The following ST6GALNAC3 variants were observed in gnomAD, a reference collection of about 807,000 sequenced individuals.
ST6GALNAC3 encodes alpha-N-acetylgalactosaminide alpha-2,6-sialyltransferase 3.
In ST6GALNAC3, 25 loss-of-function variants were observed where a neutral mutation model predicts 32.7. The ratio of observed to expected loss-of-function variants is 0.76; its 90% CI spans 0.56 to 1.07. The LOEUF is 1.07. Ranked by LOEUF, ST6GALNAC3 falls within the 50% of genes least tolerant of loss-of-function variation. The probability of loss-of-function intolerance (pLI) is 0.00; values close to 1 mark genes in which losing one functional copy is unlikely to be tolerated. For synonymous variants in ST6GALNAC3, 129 were observed against 133.1 expected (o/e 0.97, Z 0.21); for missense variants, 355 against 382.4 (o/e 0.93, Z 0.60).
At chr1:76,409,961 G>T (rs993883136) in intron 2 of ST6GALNAC3, among the ~76,000 whole-genome samples, 4 of 152,070 alleles carry the variant, frequency 2.6e-5, no homozygotes, top group Non-Finnish European at 4.4e-5. Context: ...AACATAAGCG[G>T]CTTCTCTCCA....
chr1:76,253,817 C>T (rs1234812444), intron 1 of ST6GALNAC3, among the ~76,000 whole-genome samples: 3 of 152,120 alleles, frequency 2.0e-5, no homozygotes, highest in Non-Finnish European at 1.5e-5. Context: ...AATATTCTAG[C>T]AGATGGCATG....
At chr1:76,471,868 T>C (rs551951343) in intron 3 of ST6GALNAC3, among the ~76,000 whole-genome samples, 190 of 142,726 alleles carry the variant, frequency 1.3e-3, no homozygotes, top group South Asian at 3.3e-3. Flanking sequence ...TTGGGTCCCC[T>C]TTTTTTTTTT....
intron 3 of ST6GALNAC3, among the ~76,000 whole-genome samples, chr1:76,427,520 TA>T (rs564836515): frequency 5.9e-5 from 9 of 151,940 alleles, no homozygotes; most frequent in Non-Finnish European, 8.8e-5. Flanking sequence ...CATGGAAAAA[TA>T]AAAAAATTAA....
intron 3 of ST6GALNAC3, among the ~76,000 whole-genome samples, chr1:76,557,513 A>G (rs1664998860): frequency 6.6e-6 from 1 of 152,118 alleles, no homozygotes; most frequent in South Asian, 2.1e-4. Flanking sequence ...TTTACTGATT[A>G]CCTACCATGC....
chr1:76,103,376 C>T (rs1272040580), intron 1 of ST6GALNAC3, among the ~76,000 whole-genome samples: 1 of 152,090 alleles, frequency 6.6e-6, no homozygotes, highest in African/African-American at 2.4e-5. Context: ...AGTGTCTTAT[C>T]CTGTATTTTC....
intron 3 of ST6GALNAC3, among the ~76,000 whole-genome samples, chr1:76,535,705 C>G (rs1350573183): frequency 6.6e-6 from 1 of 152,056 alleles, no homozygotes; most frequent in East Asian, 1.9e-4. Context: ...ACTAAATAAC[C>G]TAATCTAGTT....
At chr1:76,154,355 T>G (rs964160702) in intron 1 of ST6GALNAC3, among the ~76,000 whole-genome samples, 1 of 152,124 alleles carries the variant, frequency 6.6e-6, no homozygotes, top group African/African-American at 2.4e-5. Flanking sequence ...ACACTCAGGT[T>G]GTTTCTTAGT....
chr1:76,482,803 G>A (rs1304489968), intron 3 of ST6GALNAC3, among the ~76,000 whole-genome samples: 2 of 151,954 alleles, frequency 1.3e-5, no homozygotes, highest in East Asian at 3.9e-4. Context: ...GTATACATGT[G>A]CCATGCTGGT....
At chr1:76,476,649 G>A (rs1384380669) in intron 3 of ST6GALNAC3, among the ~76,000 whole-genome samples, 2 of 152,140 alleles carry the variant, frequency 1.3e-5, no homozygotes, top group Admixed American at 1.3e-4. Flanking sequence ...CATTAGTTCT[G>A]AACCATATCC....
At chr1:76,345,443 G>A (rs549044633) in intron 2 of ST6GALNAC3, among the ~76,000 whole-genome samples, 2 of 152,132 alleles carry the variant, frequency 1.3e-5, no homozygotes, top group South Asian at 4.2e-4. Context: ...CAAGAGAGAA[G>A]AGAAGCAGTG....
Position 76,507,737 on chromosome 1 carries a change from TTCCTTTACAAC to T in ST6GALNAC3, c.623+95323_623+95333del, listed in dbSNP as rs373015865. On this transcript the variant is annotated intron_variant, in intron 3 of 4. Transcript: ENST00000328299. Reference sequence around the variant, plus strand: ...TATTATTATCATGTGGTTATGAACATTCCTTTACAACTCTTTGTGTGGACACAGGTTTTCCT... The same window carrying T: ...TATTATTATCATGTGGTTATGAACATTCTTTGTGTGGACACAGGTTTTCCT... Among the ~76,000 whole-genome samples, 831 of 152,350 alleles carry T rather than the reference TTCCTTTACAAC, an allele frequency of 5.5e-3. 8 individuals carry two copies. The highest frequency in any genetic ancestry group is 0.018 in the African/African-American group (761 of 41,594).
intron 1 of ST6GALNAC3, among the ~76,000 whole-genome samples, chr1:76,079,124 G>A (rs1480232249): frequency 6.6e-6 from 1 of 152,104 alleles, no homozygotes; most frequent in Non-Finnish European, 1.5e-5. Flanking sequence ...ATGTCTTCTT[G>A]GGCCCCAGAG....
chr1:76,377,590 C>A (rs77586415), intron 2 of ST6GALNAC3, among the ~76,000 whole-genome samples: 2 of 152,148 alleles, frequency 1.3e-5, no homozygotes, highest in Admixed American at 6.5e-5. Flanking sequence ...CCAGGTCCCC[C>A]CTCCAACCCT....
chr1:76,546,880 G>A (rs1325282004), intron 3 of ST6GALNAC3, among the ~76,000 whole-genome samples: 1 of 152,224 alleles, frequency 6.6e-6, no homozygotes, highest in Non-Finnish European at 1.5e-5. Flanking sequence ...TACTAGGGAA[G>A]CTCAGGCAAT....
chr1:76,471,117 A>G (rs1324674049), intron 3 of ST6GALNAC3, among the ~76,000 whole-genome samples: 1 of 151,994 alleles, frequency 6.6e-6, no homozygotes, highest in African/African-American at 2.4e-5. Context: ...TCCTTGGTTA[A>G]CTTTCTTCAA....
rs141747466 is a variant in ST6GALNAC3, at chr1:76,280,770, T to G, written c.19-33035T>G. The stretch of plus-strand genomic sequence containing the variant: ...TTACTAGCATGCAAACTTGGGCAAG[T>G]CACTTTATTCTACTTGAACCTTTTC... On this transcript the variant is annotated intron_variant, in intron 1 of 4. Transcript: ENST00000328299. Among the ~76,000 whole-genome samples the G allele has an allele frequency of 3.8e-3, 578 of 152,348 alleles. 1 individual carries two copies. Among genetic ancestry groups the G allele is most frequent in the African/African-American group, 0.013 (560 of 41,572 alleles).
chr1:76,410,180 A>G (rs1057124747), intron 2 of ST6GALNAC3, among the ~76,000 whole-genome samples: 2 of 152,052 alleles, frequency 1.3e-5, no homozygotes, highest in Non-Finnish European at 2.9e-5. Context: ...AAAGACCCCA[A>G]GTGATTTCTC....
intron 3 of ST6GALNAC3, among the ~76,000 whole-genome samples, chr1:76,484,739 G>A (rs911448880): frequency 3.3e-5 from 5 of 152,112 alleles, no homozygotes; most frequent in Admixed American, 1.3e-4. Flanking sequence ...GAATGCCCTG[G>A]CCAGAACTTC....
intron 2 of ST6GALNAC3, among the ~76,000 whole-genome samples, chr1:76,355,175 C>A (rs909261642): frequency 6.6e-6 from 1 of 151,972 alleles, no homozygotes; most frequent in Non-Finnish European, 1.5e-5. Flanking sequence ...AGATGCCATG[C>A]GGTCAGAATT....
Sources: gnomAD v4.1 joint callset for allele counts (sites outside exome capture counted in the v4.1 genomes callset) on GRCh38, gnomAD v4.1.1 for gene constraint, MANE v1.5 for transcripts, NCBI Gene and HGNC (gene_info 2026-07-23, HGNC 2026-07-21) for gene names.